FAM186A: variants seen among roughly 807,000 people sequenced by gnomAD.
FAM186A encodes protein FAM186A.
Under a neutral mutation model 216.8 loss-of-function variants are expected in FAM186A, and 163 were observed. The observed-to-expected ratio is 0.75, with a 90% CI of 0.66 to 0.86. The LOEUF is 0.86. Among genes scored for constraint, FAM186A ranks in the 40% least tolerant of loss-of-function variants. FAM186A has a pLI of 0.00. For missense variants in FAM186A, 2,184 were observed against 2,746.2 expected, an observed-to-expected ratio of 0.80 and a Z score of 4.58; for synonymous variants, 805 against 1,025.3, an observed-to-expected ratio of 0.79 and a Z score of 4.10.
chr12:50,337,252 A>G (rs1020436992), intron 4 of FAM186A, among the ~76,000 whole-genome samples: 31 of 143,678 alleles, frequency 2.2e-4, no homozygotes, highest in Middle Eastern at 3.7e-3. Flanking sequence ...CTTCAAACTT[A>G]GGGACTTTAT....
chr12:50,370,714 C>T (rs1032145107), intron 1 of FAM186A, among the ~76,000 whole-genome samples: 2 of 152,008 alleles, frequency 1.3e-5, no homozygotes, highest in African/African-American at 2.4e-5. Flanking sequence ...CTCATAGTGT[C>T]GTTATTCACA....
chr12:50,353,051 G>A lies in FAM186A; in HGVS notation c.3781C>T (p.Gln1261Ter), dbSNP rs1942921546. The change falls in exon 4 of 8, where the codon CAG (glutamine) becomes TAG (stop). Residue 1261 changes from glutamine to a stop codon, truncating the protein, a stop_gained. Transcript: ENST00000327337. LOFTEE classifies it high-confidence loss of function. ...GGAGTAAGAGGGATCCCCAGTTCCTGAACCTGCTTAGGGGTGAGAGTGATT... is the reference window on the plus strand; with the variant it reads ...GGAGTAAGAGGGATCCCCAGTTCCTAAACCTGCTTAGGGGTGAGAGTGATT... The part of the protein sequence containing the change: ...LGITLTPKQV[Q>*]ELGIPLTPQQ... 3.9e-6 allele frequency: 6 copies of A among 1,537,442 alleles called. No homozygotes were observed. Among genetic ancestry groups the A allele is most frequent in the Admixed American group, 2.0e-5 (1 of 50,082 alleles).
At chr12:50,386,156 T>TTAC (rs1943301206) in intron 1 of FAM186A, among the ~76,000 whole-genome samples, 1 of 152,118 alleles carries the variant, frequency 6.6e-6, no homozygotes, top group Non-Finnish European at 1.5e-5. Flanking sequence ...TGGCCAGGCA[T>TTAC]AGTAGCTTAC....
rs564799713 is a variant in FAM186A at position 50,377,946 on chromosome 12, G to A, written c.193-14582C>T. 5.3e-5 allele frequency among the ~76,000 whole-genome samples: 8 copies of A among 151,930 alleles called. No individual in the cohort carries two copies. The South Asian group carries it at 6.2e-4, about 12-fold the overall frequency. ...ACTGTTAAGAAAATGAAAAGTCGGC[G>A]AGGCGAGGTGGCTCATGCCTGCTCA... On this transcript the variant is annotated intron_variant, in intron 1 of 7. Coordinates refer to ENST00000327337, the MANE Select transcript of FAM186A (RefSeq NM_001145475.3).
intron 4 of FAM186A, among the ~76,000 whole-genome samples, chr12:50,337,840 G>A (rs1339371103): frequency 2.0e-5 from 3 of 152,110 alleles, no homozygotes; most frequent in Non-Finnish European, 4.4e-5. Context: ...AGGTTCCAGT[G>A]AGCCAAGATG....
chr12:50,360,039 T>G (rs574715550), intron 3 of FAM186A, among the ~76,000 whole-genome samples: 1 of 152,076 alleles, frequency 6.6e-6, no homozygotes, highest in African/African-American at 2.4e-5. Flanking sequence ...GTCAGGAGTT[T>G]GAAACCAGTC....
At chr12:50,360,474 C>T (rs958396665) in intron 3 of FAM186A, among the ~76,000 whole-genome samples, 1 of 150,522 alleles carries the variant, frequency 6.6e-6, no homozygotes, top group African/African-American at 2.4e-5. Context: ...AACTTGAGGT[C>T]AGGAATTTGA....
At chr12:50,361,242 A>C (rs975191448) in intron 2 of FAM186A, among the ~76,000 whole-genome samples, 5 of 152,206 alleles carry the variant, frequency 3.3e-5, no homozygotes, top group African/African-American at 1.2e-4. Flanking sequence ...TTTGTTGCCT[A>C]GGCTGGAGTG....
At chr12:50,369,138 T>C (rs1302741609) in intron 1 of FAM186A, among the ~76,000 whole-genome samples, 1 of 152,072 alleles carries the variant, frequency 6.6e-6, no homozygotes, top group East Asian at 1.9e-4. Context: ...CTTCATGGCA[T>C]TGGATTTGGC....
rs1164715733 is a variant in FAM186A, at chr12:50,333,898, G to A, written c.6696+13C>T. ...TACAACATGCTGGACAGAGGGAGTG[G>A]AAAGCAGGTTACCTGGTTGAATACG... is the stretch of plus-strand genomic sequence containing the variant. On this transcript the variant is annotated intron_variant, in intron 5 of 7. Coordinates refer to ENST00000327337, the MANE Select transcript of FAM186A (RefSeq NM_001145475.3). 1.9e-6 allele frequency: 3 copies of A among 1,548,204 alleles called. No homozygotes were observed. The highest frequency in any genetic ancestry group is 4.0e-5 in the Admixed American group (2 of 50,266).
At chr12:50,382,821 C>A (rs1943265445) in intron 1 of FAM186A, among the ~76,000 whole-genome samples, 1 of 152,046 alleles carries the variant, frequency 6.6e-6, no homozygotes, top group South Asian at 2.1e-4. Flanking sequence ...CTCCTTCTAC[C>A]TCTGCTCTTG....
chr12:50,384,160 G>C (rs1161801685), intron 1 of FAM186A, among the ~76,000 whole-genome samples: 1 of 151,968 alleles, frequency 6.6e-6, no homozygotes, highest in Admixed American at 6.6e-5. Context: ...ACAGAGGCCA[G>C]GTGTGGTGGC....
intron 4 of FAM186A, among the ~76,000 whole-genome samples, chr12:50,336,349 A>T (rs1369397847): frequency 6.6e-6 from 1 of 152,124 alleles, no homozygotes; most frequent in Non-Finnish European, 1.5e-5. Flanking sequence ...AATGTCCCAT[A>T]ATTGATAAAT....
chr12:50,363,857 T>C (rs1943061865), intron 1 of FAM186A, among the ~76,000 whole-genome samples: 1 of 152,160 alleles, frequency 6.6e-6, no homozygotes, highest in South Asian at 2.1e-4. Flanking sequence ...TATCAGACTA[T>C]GCCTCAAACA....
chr12:50,364,639 C>T (rs573009635), intron 1 of FAM186A, among the ~76,000 whole-genome samples: 23 of 152,044 alleles, frequency 1.5e-4, no homozygotes, highest in East Asian at 7.7e-4. Context: ...CAGTGTCTCA[C>T]GCCTGTAATC....
intron 4 of FAM186A, among the ~76,000 whole-genome samples, chr12:50,341,619 G>A (rs545809203): frequency 6.6e-6 from 1 of 152,144 alleles, no homozygotes; most frequent in African/African-American, 2.4e-5. Flanking sequence ...GGCAGATCAC[G>A]AGGTCAGGAG....
At chr12:50,337,582 G>A (rs1942721933) in intron 4 of FAM186A, among the ~76,000 whole-genome samples, 1 of 151,044 alleles carries the variant, frequency 6.6e-6, no homozygotes, top group Admixed American at 6.6e-5. Context: ...ACAGGCATGA[G>A]CCTGGTGAGA....
chr12:50,377,148 A>C (rs1470401127), intron 1 of FAM186A, among the ~76,000 whole-genome samples: 1 of 152,154 alleles, frequency 6.6e-6, no homozygotes, highest in Non-Finnish European at 1.5e-5. Context: ...GGTAGTAAAA[A>C]GGGGGAAAAA....
intron 1 of FAM186A, among the ~76,000 whole-genome samples, chr12:50,369,724 C>T (rs1326952838): frequency 6.6e-6 from 1 of 152,060 alleles, no homozygotes; most frequent in African/African-American, 2.4e-5. Flanking sequence ...ACTGGTGGCT[C>T]ACCCCTATAA....
Sources: allele counts gnomAD v4.1 joint callset (sites outside exome capture counted in the v4.1 genomes callset), GRCh38; gene constraint gnomAD v4.1.1; transcripts MANE v1.5; gene names NCBI Gene and HGNC (gene_info 2026-07-23, HGNC 2026-07-21).